The following GSE1 variants were observed in gnomAD, a reference collection of about 807,000 sequenced individuals.
GSE1 encodes the protein Gse1 coiled-coil protein, also known as genetic suppressor element 1.
In GSE1, 32 loss-of-function variants were observed where a neutral mutation model predicts 112.6. The observed-to-expected ratio is 0.28, with a 90% CI of 0.21 to 0.38. The LOEUF (loss-of-function observed/expected upper bound fraction) is 0.38, where lower values mean the gene tolerates loss of function less well. Among genes scored for constraint, GSE1 ranks in the 10% least tolerant of loss-of-function variants. The pLI, the probability that GSE1 is intolerant of heterozygous loss-of-function variation, is 1.00. For missense variants in GSE1, 2,348 were observed against 1,699.2 expected, an observed-to-expected ratio of 1.38 and a Z score of -6.71; for synonymous variants, 1,115 against 735.6, an observed-to-expected ratio of 1.52 and a Z score of -8.35.
rs1273382498 is a variant in GSE1, at chr16:85,388,259, T to G, written c.2464+30616T>G. ...GGATGGATGGATGGATGAATGGATGTATGGCTGGATGGATGGGTGAGTGGA... is the reference window on the plus strand; with the variant it reads ...GGATGGATGGATGGATGAATGGATGGATGGCTGGATGGATGGGTGAGTGGA... On this transcript the variant is annotated intron_variant, in intron 2 of 2. Transcript: ENST00000637419. 2.4e-3 allele frequency among the ~76,000 whole-genome samples: 153 copies of G among 63,308 alleles called. 39 individuals carry two copies. Among genetic ancestry groups the G allele is most frequent in the Middle Eastern group, 0.014 (1 of 74 alleles). 41.5% of individuals were successfully genotyped at this position (63,308 alleles called of 152,430 possible).
At chr16:85,477,855 C>T (rs535445848) in intron 2 of GSE1, among the ~76,000 whole-genome samples, 6 of 152,078 alleles carry the variant, frequency 3.9e-5, no homozygotes, top group African/African-American at 7.2e-5. Context: ...CCACCGCGCC[C>T]GGCCTAGGGT....
chr16:85,655,482 C>G (rs1389555046), intron 5 of GSE1, among the ~76,000 whole-genome samples: 2 of 152,200 alleles, frequency 1.3e-5, no homozygotes, highest in Non-Finnish European at 2.9e-5. Flanking sequence ...CCACTCTGTG[C>G]TGGTCTGGCT....
intron 2 of GSE1, among the ~76,000 whole-genome samples, chr16:85,513,947 C>T (rs1039106639): frequency 2.6e-5 from 4 of 152,148 alleles, no homozygotes; most frequent in African/African-American, 9.7e-5. Flanking sequence ...TTTCTGCTCC[C>T]AGGTGGTACT....
At chr16:85,568,880 C>G (rs145031862) in intron 1 of GSE1, among the ~76,000 whole-genome samples, 34 of 152,302 alleles carry the variant, frequency 2.2e-4, no homozygotes, top group Non-Finnish European at 3.7e-4. Context: ...ATGAGGGTGA[C>G]GTCTGTGCAG....
intron 2 of GSE1, among the ~76,000 whole-genome samples, chr16:85,409,619 T>A (rs1173290529): frequency 2.7e-3 from 26 of 9,714 alleles, no homozygotes; most frequent in Admixed American, 0.013. Context: ...CCCTGGATAA[T>A]CCTCACCGTT....
chr16:85,584,956 G>A (rs544667003), intron 1 of GSE1, among the ~76,000 whole-genome samples: 78 of 152,130 alleles, frequency 5.1e-4, no homozygotes, highest in African/African-American at 1.4e-3. Context: ...CACGTGGCCC[G>A]GGTTGTCACG....
chr16:85,170,603 G>T, exon 1 of GSE1: 1 of 985,482 alleles, frequency 1.0e-6, no homozygotes, highest in South Asian at 4.7e-5. Flanking sequence ...CAGGACAGCC[G>T]GGCGGCACCA....
intron 2 of GSE1, among the ~76,000 whole-genome samples, chr16:85,447,715 G>A (rs572355641): frequency 6.6e-6 from 1 of 152,360 alleles, no homozygotes; most frequent in East Asian, 1.9e-4. Flanking sequence ...CCCAGCAGTG[G>A]AGGCTGAATT....
At position 85,590,096 on chromosome 16, in the gene GSE1, GTGAT is replaced by G. The variant is rs139283090; in HGVS notation, c.37+33737_37+33740del. On this transcript the variant is annotated intron_variant, in intron 1 of 2. Coordinates refer to the GSE1 transcript ENST00000635906. ...GATTGTGAAGGTGTGTGTGAGGCGTGTGATTGAACATTTGTGCAATTGAACGTGT... is the reference window on the plus strand; with the variant it reads ...GATTGTGAAGGTGTGTGTGAGGCGTGTGAACATTTGTGCAATTGAACGTGT... 4.3e-3 allele frequency among the ~76,000 whole-genome samples: 654 copies of G among 152,234 alleles called. 6 individuals are homozygous for G. Among genetic ancestry groups the G allele is most frequent in the Non-Finnish European group, 3.8e-3 (261 of 68,010 alleles).
At chr16:85,230,301 A>G (rs769637863) in intron 1 of GSE1, among the ~76,000 whole-genome samples, 2 of 152,146 alleles carry the variant, frequency 1.3e-5, no homozygotes, top group Non-Finnish European at 2.9e-5. Flanking sequence ...GGGCTTATTT[A>G]TCTTTTGTGT....
At chr16:85,507,869 T>A (rs1247287256) in intron 2 of GSE1, among the ~76,000 whole-genome samples, 1 of 152,156 alleles carries the variant, frequency 6.6e-6, no homozygotes, top group Non-Finnish European at 1.5e-5. Context: ...TTGAAATGGA[T>A]GCGTCATATT....
At chr16:85,469,392 G>T (rs908371825) in intron 2 of GSE1, among the ~76,000 whole-genome samples, 2 of 152,162 alleles carry the variant, frequency 1.3e-5, no homozygotes, top group Non-Finnish European at 2.9e-5. Flanking sequence ...GCCAGGATGC[G>T]CTGGCGCCCA....
At chr16:85,304,441 T>C (rs1419485774) in intron 1 of GSE1, among the ~76,000 whole-genome samples, 1 of 152,102 alleles carries the variant, frequency 6.6e-6, no homozygotes, top group Admixed American at 6.5e-5. Context: ...GCATTGTGGG[T>C]GAGGCAGGGT....
intron 1 of GSE1, among the ~76,000 whole-genome samples, chr16:85,310,787 C>A (rs952470257): frequency 6.6e-6 from 1 of 151,746 alleles, no homozygotes; most frequent in Non-Finnish European, 1.5e-5. Context: ...GCGTCCCCCC[C>A]CCACCCACCT....
At chr16:85,518,856 C>G (rs1234328788) in intron 2 of GSE1, among the ~76,000 whole-genome samples, 1 of 152,182 alleles carries the variant, frequency 6.6e-6, no homozygotes, top group African/African-American at 2.4e-5. Flanking sequence ...GAAGCCCTGT[C>G]TTGCCACCCA....
chr16:85,653,214 T>C (rs1288802386), intron 3 of GSE1, among the ~76,000 whole-genome samples: 1 of 30 alleles, frequency 0.033, no homozygotes, highest in African/African-American at 0.05. Context: ...TCCTCCCCCC[T>C]CCCCCTCCTC....
chr16:85,587,393 G>A (rs1332121615), intron 1 of GSE1, among the ~76,000 whole-genome samples: 1 of 152,220 alleles, frequency 6.6e-6, no homozygotes, highest in Non-Finnish European at 1.5e-5. Flanking sequence ...GGCCCTGGCC[G>A]TACCATCTGC....
intron 1 of GSE1, among the ~76,000 whole-genome samples, chr16:85,310,914 G>A (rs895760588): frequency 1.3e-5 from 2 of 152,144 alleles, no homozygotes; most frequent in African/African-American, 4.8e-5. Flanking sequence ...TGGGGATGGA[G>A]GGGGGCACCC....
intron 2 of GSE1, among the ~76,000 whole-genome samples, chr16:85,385,854 T>C (rs2047677472): frequency 6.6e-6 from 1 of 152,110 alleles, no homozygotes. Context: ...CCAGGACGGC[T>C]CCAGCTCCAG....
Sources: gnomAD v4.1 joint callset for allele counts (sites outside exome capture counted in the v4.1 genomes callset) on GRCh38, gnomAD v4.1.1 for gene constraint, MANE v1.5 for transcripts, NCBI Gene and HGNC (gene_info 2026-07-23, HGNC 2026-07-21) for gene names.